The following LRMDA variants were observed in gnomAD, a reference collection of about 807,000 sequenced individuals.
The protein encoded by LRMDA is leucine-rich melanocyte differentiation-associated protein.
In LRMDA, 18 loss-of-function variants were observed where a neutral mutation model predicts 29.8. The observed-to-expected ratio is 0.60, with a 90% CI of 0.42 to 0.90. LRMDA has a LOEUF of 0.90. LRMDA is among the 40% of genes least tolerant of loss of function. LRMDA has a pLI of 0.00. For synonymous variants in LRMDA, 125 were observed against 109.4 expected (o/e 1.14, Z -0.89); for missense variants, 273 against 273.9 (o/e 1.00, Z 0.02).
At chr10:75,431,906 C>T (rs1162782313) in intron 1 of LRMDA, among the ~76,000 whole-genome samples, 152 bp downstream of exon 1, 1 of 152,132 alleles carries the variant, frequency 6.6e-6, no homozygotes, top group Non-Finnish European at 1.5e-5. Flanking sequence ...CAGGCTCGCC[C>T]TAGTGGGGCT....
intron 2 of LRMDA, among the ~76,000 whole-genome samples, chr10:75,659,044 C>A (rs947136716): frequency 2.0e-5 from 3 of 152,170 alleles, no homozygotes; most frequent in African/African-American, 7.2e-5. Context: ...AGGTAGATGG[C>A]CCCTGGGACC....
intron 2 of LRMDA, among the ~76,000 whole-genome samples, chr10:75,616,240 T>TAGCAGCAGTAGCAGCAGCAGCAGC (rs1190132351): frequency 6.8e-6 from 1 of 146,798 alleles, no homozygotes; most frequent in Non-Finnish European, 1.5e-5. Context: ...ATAGTAGCAG[T>TAGCAGCAGTAGCAGCAGCAGCAGC]AGCAGCAGTA....
intron 5 of LRMDA, among the ~76,000 whole-genome samples, chr10:76,211,222 A>G (rs1478036692): frequency 6.6e-6 from 1 of 152,164 alleles, no homozygotes; most frequent in Non-Finnish European, 1.5e-5. Context: ...CCTGGTACCC[A>G]GTTGCCTCCT....
chr10:76,466,200 C>A (rs1034293078), intron 6 of LRMDA, among the ~76,000 whole-genome samples: 1 of 152,122 alleles, frequency 6.6e-6, no homozygotes, highest in African/African-American at 2.4e-5. Flanking sequence ...GTCATGAGAA[C>A]TTAGCAGCTT....
chr10:75,593,306 T>C (rs1429153800), intron 2 of LRMDA, among the ~76,000 whole-genome samples: 1 of 152,230 alleles, frequency 6.6e-6, no homozygotes, highest in Non-Finnish European at 1.5e-5. Flanking sequence ...AAAGAGGTTT[T>C]GTTTTAATAA....
At chr10:76,407,221 C>T (rs904955182) in intron 6 of LRMDA, among the ~76,000 whole-genome samples, 2 of 152,120 alleles carry the variant, frequency 1.3e-5, no homozygotes, top group Admixed American at 6.6e-5. Flanking sequence ...CTCAAAGTTG[C>T]GGATATGTCT....
intron 2 of LRMDA, among the ~76,000 whole-genome samples, chr10:75,916,554 A>G (rs1252004412): frequency 6.6e-6 from 1 of 152,112 alleles, no homozygotes; most frequent in African/African-American, 2.4e-5. Flanking sequence ...AACCGTCCCC[A>G]CCCCACCAGG....
intron 2 of LRMDA, among the ~76,000 whole-genome samples, chr10:75,831,554 G>A (rs1844345352): frequency 6.6e-6 from 1 of 152,126 alleles, no homozygotes; most frequent in African/African-American, 2.4e-5. Flanking sequence ...AACTGTTGGT[G>A]GATCTACCAT....
At chr10:75,518,549 C>T (rs879359328) in intron 2 of LRMDA, among the ~76,000 whole-genome samples, 27 of 152,176 alleles carry the variant, frequency 1.8e-4, no homozygotes, top group Middle Eastern at 3.4e-3. Flanking sequence ...TGATGATGTC[C>T]CTTTTATCAT....
At chr10:76,160,627 C>T (rs912003754) in intron 5 of LRMDA, among the ~76,000 whole-genome samples, 1 of 152,050 alleles carries the variant, frequency 6.6e-6, no homozygotes, top group Non-Finnish European at 1.5e-5. Context: ...TCTATACTTA[C>T]AATTTTTTTG....
intron 6 of LRMDA, among the ~76,000 whole-genome samples, chr10:76,504,180 G>A (rs1842938022): frequency 6.6e-6 from 1 of 152,012 alleles, no homozygotes; most frequent in Non-Finnish European, 1.5e-5. Flanking sequence ...TTATTATGGT[G>A]TGGTCCAAGA....
intron 6 of LRMDA, among the ~76,000 whole-genome samples, chr10:76,329,723 T>C (rs1840881277): frequency 6.6e-6 from 1 of 152,242 alleles, no homozygotes; most frequent in Non-Finnish European, 1.5e-5. Flanking sequence ...AGTTATCATT[T>C]GCAGTTTCCT....
At chr10:75,710,362 A>G (rs1842421396) in intron 2 of LRMDA, among the ~76,000 whole-genome samples, 1 of 152,196 alleles carries the variant, frequency 6.6e-6, no homozygotes, top group African/African-American at 2.4e-5. Context: ...GTTTTCAGCC[A>G]TCATTACTAA....
At chr10:76,362,885 T>A (rs1032934509) in intron 6 of LRMDA, among the ~76,000 whole-genome samples, 3 of 151,898 alleles carry the variant, frequency 2.0e-5, no homozygotes, top group African/African-American at 4.8e-5. Context: ...TTGAATGACC[T>A]GTCCTAATCT....
chr10:76,145,995 G>A (rs1329510465), intron 5 of LRMDA, among the ~76,000 whole-genome samples: 2 of 151,508 alleles, frequency 1.3e-5, no homozygotes, highest in East Asian at 3.9e-4. Flanking sequence ...ATGTAGTTGA[G>A]CGGTTTTGAG....
chr10:76,508,368 T>G (rs1379964548), intron 6 of LRMDA, among the ~76,000 whole-genome samples: 1 of 152,214 alleles, frequency 6.6e-6, no homozygotes, highest in African/African-American at 2.4e-5. Flanking sequence ...TGCCAAATGG[T>G]GATTTTCTAC....
At chr10:76,105,483 T>C (rs769346656) in intron 5 of LRMDA, among the ~76,000 whole-genome samples, 5 of 152,086 alleles carry the variant, frequency 3.3e-5, no homozygotes, top group African/African-American at 4.8e-5. Flanking sequence ...AATCTTCCTA[T>C]ATTAGTGTAA....
chr10:75,551,703 C>T (rs773972140), intron 2 of LRMDA, among the ~76,000 whole-genome samples: 18 of 151,976 alleles, frequency 1.2e-4, no homozygotes, highest in Non-Finnish European at 1.8e-4. Context: ...ATGGTGTATA[C>T]GTGCCACATT....
chr10:76,446,266 C>T (rs1842353261), intron 6 of LRMDA, among the ~76,000 whole-genome samples: 1 of 152,124 alleles, frequency 6.6e-6, no homozygotes, highest in Non-Finnish European at 1.5e-5. Context: ...TTTGATGCAG[C>T]TTATTTATTC....
Sources: gnomAD v4.1 joint callset for allele counts (sites outside exome capture counted in the v4.1 genomes callset) on GRCh38, gnomAD v4.1.1 for gene constraint, MANE v1.5 for transcripts, NCBI Gene and HGNC (gene_info 2026-07-23, HGNC 2026-07-21) for gene names.